The following JADE2 variants were observed in gnomAD, a reference collection of about 807,000 sequenced individuals.
JADE2 encodes the protein jade family PHD finger 2.
A neutral mutation model predicts 85.7 loss-of-function variants in JADE2; 13 were observed. The ratio of observed to expected loss-of-function variants is 0.15; its 90% CI spans 0.10 to 0.24. The LOEUF (loss-of-function observed/expected upper bound fraction) is 0.24, where lower values mean the gene tolerates loss of function less well. Ranked by LOEUF, JADE2 falls within the 10% of genes least tolerant of loss-of-function variation. JADE2 has a pLI of 1.00. For synonymous variants in JADE2, 440 were observed against 456.1 expected (o/e 0.96, Z 0.45); for missense variants, 846 against 1,115.9 (o/e 0.76, Z 3.45).
At chr5:134,567,654 T>C (rs1763732075) in intron 9 of JADE2, among the ~76,000 whole-genome samples, 1 of 152,164 alleles carries the variant, frequency 6.6e-6, no homozygotes, top group Non-Finnish European at 1.5e-5. Flanking sequence ...TGCATCGCAG[T>C]GGGCAAGGCT....
At position 134,562,102 on chromosome 5, in the gene JADE2, T is replaced by A; in HGVS notation, c.685-98T>A. 8.3e-7 allele frequency: 1 copy of A among 1,205,384 alleles called. No homozygotes were observed. Among genetic ancestry groups the A allele is most frequent in the Non-Finnish European group, 1.2e-6 (1 of 856,534 alleles). The allele number at this position is 1,205,384 out of a possible 1,614,324, so 74.7% of individuals were successfully genotyped here. On this transcript the variant is annotated intron_variant, in intron 6 of 11. Transcript: ENST00000681547. This position sits in a 1 kb window ranked among gnomAD's most constrained non-coding sequence, Gnocchi z 4.6. ...CCAGAGATGGGAGGCTGTGTAGCAG[T>A]GTAGCATGGGGCTGGCACTGGACCA...
At chr5:134,539,354 C>A (rs1487628967) in intron 3 of JADE2, among the ~76,000 whole-genome samples, 1 of 152,136 alleles carries the variant, frequency 6.6e-6, no homozygotes, top group African/African-American at 2.4e-5. Context: ...TGAGCCACCG[C>A]GCCCGGCCTA....
chr5:134,545,262 T>C (rs1561736056), intron 3 of JADE2, among the ~76,000 whole-genome samples: 1 of 152,152 alleles, frequency 6.6e-6, no homozygotes, highest in African/African-American at 2.4e-5. Context: ...TCCACTTCTA[T>C]AGTTGGAAAC....
chr5:134,576,865 G>A lies in JADE2; in HGVS notation c.1650G>A (p.Lys550=). ...GCACTGAGAAGAAAGAGAAAGTGAA[G>A]GCGGGGCCTGACTCAGTCCTGGGGC... ...KGSTEKKEKV[K]AGPDSVLGQL... The change falls in exon 11 of 12, where the codon AAG becomes AAA. Residue 550 remains lysine, a synonymous_variant. Transcript: ENST00000681547. 2 of 1,548,834 alleles carry A rather than the reference G, an allele frequency of 1.3e-6. No homozygotes were observed. The highest frequency in any genetic ancestry group is 2.4e-5 in the South Asian group (2 of 83,744).
At chr5:134,550,361 G>T (rs1762524755) in intron 3 of JADE2, among the ~76,000 whole-genome samples, 1 of 152,136 alleles carries the variant, frequency 6.6e-6, no homozygotes, top group African/African-American at 2.4e-5. Flanking sequence ...TGTTCTCCTT[G>T]TGGTTTTGGA....
chr5:134,577,568 G>A (rs1352859503), intron 11 of JADE2, among the ~76,000 whole-genome samples: 2 of 152,156 alleles, frequency 1.3e-5, no homozygotes, highest in Non-Finnish European at 2.9e-5. Context: ...GTGCATGCCT[G>A]TATTCCTAGC....
chr5:134,546,151 T>G (rs988471096), intron 3 of JADE2, among the ~76,000 whole-genome samples: 1 of 150,410 alleles, frequency 6.6e-6, no homozygotes, highest in Admixed American at 6.6e-5. Flanking sequence ...TCGTTTTTTG[T>G]TTTTTTGTTT....
chr5:134,559,067 T>C (rs947702430), intron 4 of JADE2, among the ~76,000 whole-genome samples: 1 of 152,348 alleles, frequency 6.6e-6, no homozygotes, highest in Non-Finnish European at 1.5e-5. Flanking sequence ...CCAAGGGATT[T>C]GGCCTCTGTC....
At chr5:134,528,398 G>A (rs1761017511) in intron 1 of JADE2, among the ~76,000 whole-genome samples, 1 of 152,084 alleles carries the variant, frequency 6.6e-6, no homozygotes, top group African/African-American at 2.4e-5. Flanking sequence ...TCCTTAGACG[G>A]GCTGGGACTC....
intron 1 of JADE2, among the ~76,000 whole-genome samples, chr5:134,530,854 G>A (rs1420712216): frequency 1.3e-5 from 2 of 152,220 alleles, no homozygotes; most frequent in African/African-American, 4.8e-5. Flanking sequence ...GTTCCTGCAA[G>A]CCACAGGCAG....
At chr5:134,573,519 G>A in intron 9 of JADE2, 126 bp from the exon 10 acceptor site, 1 of 738,432 alleles carries the variant, frequency 1.4e-6, no homozygotes, top group Non-Finnish European at 2.4e-6. Context: ...GATGTTCTGG[G>A]CAGGATAGGC....
chr5:134,579,253 T>A lies in JADE2; in HGVS notation c.2441T>A (p.Val814Glu). ...GATGTAGAGGCCGAGGACGGTGGGG[T>A]GCAGCGGGGTCCCCGGGAGGCAGGG... ...DSDVEAEDGGVQRGPREAGAE... is the reference protein window; with the variant it reads ...DSDVEAEDGGEQRGPREAGAE... The change falls in exon 12 of 12, where the codon GTG becomes GAG. Residue 814 changes from valine to glutamate, a missense_variant. Transcript: ENST00000681547. This position sits in a 1 kb window ranked among gnomAD's most constrained non-coding sequence, Gnocchi z 4.6. The A allele has an allele frequency of 1.2e-6, 2 of 1,613,818 alleles. No homozygotes were observed. The highest frequency in any genetic ancestry group is 1.7e-6 in the Non-Finnish European group (2 of 1,179,988).
rs533149799 is a variant in JADE2 at position 134,545,808 on chromosome 5, T to C, written c.154-6244T>C. Among the ~76,000 whole-genome samples, 8 of 152,352 alleles carry C rather than the reference T, an allele frequency of 5.3e-5. No individual in the cohort carries two copies. The South Asian group carries it at 1.7e-3, about 32-fold the overall frequency. ...CTGTTAGCTGTCATTTCTAATGAGA[T>C]GAGGTGCTCAGAAAACAATTGTGAT... On this transcript the variant is annotated intron_variant, in intron 3 of 11. Transcript: ENST00000681547.
chr5:134,538,016 G>C lies in JADE2; in HGVS notation c.86G>C (p.Arg29Thr), dbSNP rs758503829. 6.2e-7 allele frequency: 1 copy of C among 1,614,152 alleles called. No individual in the cohort carries two copies. Among genetic ancestry groups the C allele is most frequent in the Admixed American group, 1.7e-5 (1 of 60,012 alleles). Residue 29 changes from arginine (R) to threonine (T), a missense_variant, in exon 3 of 12, where the codon AGA becomes ACA. By Grantham distance (71) the Arg-to-Thr change is moderately conservative. This residue lies in a region of JADE2 where 47 missense variants were observed against 42.2 expected (regional missense o/e 1.11). Transcript: ENST00000681547. ...CATGCGACATCTACATCCGCATCAA[G>C]ATGCTCCAAACTGCCCAGCAGCACC... The part of the protein sequence containing the change: ...DSHATSTSAS[R>T]CSKLPSSTKS...
At chr5:134,571,571 C>T (rs1764020633) in intron 9 of JADE2, among the ~76,000 whole-genome samples, 1 of 152,188 alleles carries the variant, frequency 6.6e-6, no homozygotes, top group Non-Finnish European at 1.5e-5. Context: ...GTGGCAGGCA[C>T]CTGTAATCCC....
chr5:134,528,132 C>T (rs986876607), intron 1 of JADE2, among the ~76,000 whole-genome samples: 3 of 152,112 alleles, frequency 2.0e-5, no homozygotes, highest in Admixed American at 6.5e-5. Flanking sequence ...CAGGACGCCC[C>T]CTTAGCATTT....
intron 10 of JADE2, 90 bp from the exon 11 acceptor site, chr5:134,576,678 G>T (rs1764384782): frequency 1.4e-6 from 2 of 1,463,616 alleles, no homozygotes; most frequent in African/African-American, 2.8e-5. Context: ...GCTGATGGAG[G>T]ACTCCTGGGC....
chr5:134,572,640 G>C (rs1255454481), intron 9 of JADE2, among the ~76,000 whole-genome samples: 1 of 152,216 alleles, frequency 6.6e-6, no homozygotes, highest in African/African-American at 2.4e-5. Context: ...CCTGATAATG[G>C]AGTCTCCATC....
Position 134,582,983 on chromosome 5 carries a change from T to G in JADE2, c.*3666T>G, listed in dbSNP as rs1335562708. ...TAACGCAAAGACCTATTTCTCCTTT[T>G]TGTACATTGTCCATGTGCGCAACCC... is the stretch of plus-strand genomic sequence containing the variant. On this transcript the variant is annotated 3_prime_UTR_variant, in exon 12 of 12. Transcript: ENST00000681547. 1 of 152,676 alleles carries G rather than the reference T, an allele frequency of 6.5e-6. No individual in the cohort carries two copies. The highest frequency in any genetic ancestry group is 1.5e-5 in the Non-Finnish European group (1 of 68,050). 9.5% of individuals were successfully genotyped at this position (152,676 alleles called of 1,614,324 possible). A position where few individuals can be genotyped will look rare whatever the true frequency, so the allele number is the denominator to read the frequency against.
Sources: gnomAD v4.1 joint callset for allele counts (sites outside exome capture counted in the v4.1 genomes callset) on GRCh38, gnomAD v4.1.1 for gene constraint, gnomAD v4.1.1 regional missense constraint, Gnocchi (gnomAD v3.1) non-coding constraint, MANE v1.5 for transcripts, NCBI Gene and HGNC (gene_info 2026-07-23, HGNC 2026-07-21) for gene names.